The following ZFHX3 variants were observed in gnomAD, a reference collection of about 807,000 sequenced individuals.
ZFHX3 encodes the protein zinc finger homeobox protein 3.
A neutral mutation model predicts 279.1 loss-of-function variants in ZFHX3; 42 were observed. The ratio of observed to expected loss-of-function variants is 0.15; its 90% CI spans 0.12 to 0.19. ZFHX3 has a LOEUF of 0.19. Ranked by LOEUF, ZFHX3 falls within the 10% of genes least tolerant of loss-of-function variation. ZFHX3 has a pLI of 1.00. For synonymous variants in ZFHX3, 2,293 were observed against 1,957.8 expected, an observed-to-expected ratio of 1.17 and a Z score of -4.52; for missense variants, 4,981 against 4,754.0, an observed-to-expected ratio of 1.05 and a Z score of -1.40.
chr16:72,850,971 C>T (rs2037601224), intron 4 of ZFHX3, among the ~76,000 whole-genome samples: 1 of 152,058 alleles, frequency 6.6e-6, no homozygotes, highest in Admixed American at 6.6e-5. Flanking sequence ...CAAGTGGTGA[C>T]AGGGCCCAGG....
At chr16:73,331,468 A>G (rs1169934742) in intron 3 of ZFHX3, among the ~76,000 whole-genome samples, 1 of 152,222 alleles carries the variant, frequency 6.6e-6, no homozygotes, top group Admixed American at 6.5e-5. Flanking sequence ...GAGTTGAGAC[A>G]TCCCTGGTCT....
At chr16:73,677,006 C>G (rs957967905) in intron 2 of ZFHX3, among the ~76,000 whole-genome samples, 2 of 151,960 alleles carry the variant, frequency 1.3e-5, no homozygotes, top group African/African-American at 2.4e-5. Context: ...TCATAAAGGA[C>G]TTTAACATTC....
Position 73,375,385 on chromosome 16 carries a change from T to C in ZFHX3, c.-1290-57049A>G, listed in dbSNP as rs140847486. ...CCTTCCTGAGATTTGAAACTAGCCA[T>C]TTCTCCAAAAAGCCCTGGGTCCTTT... On this transcript the variant is annotated intron_variant, in intron 3 of 17. Coordinates refer to the ZFHX3 transcript ENST00000641206. Among the ~76,000 whole-genome samples the C allele has an allele frequency of 4.1e-3, 617 of 152,274 alleles. 19 individuals carry two copies. Among genetic ancestry groups the C allele is most frequent in the Admixed American group, 0.038 (583 of 15,284 alleles).
intron 1 of ZFHX3, among the ~76,000 whole-genome samples, chr16:73,877,201 T>TGGGG (rs112129642): frequency 3.8e-5 from 4 of 105,630 alleles, no homozygotes; most frequent in Non-Finnish European, 4.0e-5. Flanking sequence ...GGGGGTTAGG[T>TGGGG]CGGGGGGGGG....
chr16:73,577,386 G>T (rs542593935), intron 2 of ZFHX3, among the ~76,000 whole-genome samples: 1 of 152,096 alleles, frequency 6.6e-6, no homozygotes. Flanking sequence ...AAAATACACT[G>T]ACTAAAGAGT....
At chr16:73,168,696 G>C (rs1188316889) in intron 5 of ZFHX3, among the ~76,000 whole-genome samples, 1 of 152,140 alleles carries the variant, frequency 6.6e-6, no homozygotes, top group Non-Finnish European at 1.5e-5. Flanking sequence ...AATGTATTCA[G>C]CACTTGTTCC....
chr16:73,596,568 T>G (rs981496522), intron 2 of ZFHX3, among the ~76,000 whole-genome samples: 3 of 152,164 alleles, frequency 2.0e-5, no homozygotes, highest in African/African-American at 7.2e-5. Context: ...TCCAAACATG[T>G]TGCCCAGGGC....
intron 1 of ZFHX3, among the ~76,000 whole-genome samples, chr16:73,058,269 G>A (rs1290244790): frequency 6.9e-6 from 1 of 144,042 alleles, no homozygotes; most frequent in Non-Finnish European, 1.5e-5. Context: ...AGCGGCGGGA[G>A]GAGGAGGAAG....
At chr16:72,863,723 G>A (rs757707626) in intron 4 of ZFHX3, among the ~76,000 whole-genome samples, 1 of 152,090 alleles carries the variant, frequency 6.6e-6, no homozygotes, top group East Asian at 1.9e-4. Flanking sequence ...CTCTACTTGT[G>A]GATATGTTTG....
intron 1 of ZFHX3, among the ~76,000 whole-genome samples, chr16:73,742,571 G>C (rs901681542): frequency 1.3e-5 from 2 of 152,154 alleles, no homozygotes; most frequent in African/African-American, 4.8e-5. Context: ...AGACTTCTTG[G>C]AGGGGTGAGG....
intron 5 of ZFHX3, among the ~76,000 whole-genome samples, chr16:73,204,977 C>G (rs928345239): frequency 1.3e-5 from 2 of 152,152 alleles, no homozygotes; most frequent in African/African-American, 4.8e-5. Flanking sequence ...CCTAATCTTA[C>G]TACTACTAAA....
At chr16:73,181,263 G>A (rs1274220949) in intron 5 of ZFHX3, among the ~76,000 whole-genome samples, 2 of 152,086 alleles carry the variant, frequency 1.3e-5, no homozygotes, top group East Asian at 3.9e-4. Context: ...AGCATGCCCA[G>A]CTAATTTTTG....
At chr16:73,727,500 A>G (rs16972393) in intron 1 of ZFHX3, among the ~76,000 whole-genome samples, 1 of 152,222 alleles carries the variant, frequency 6.6e-6, no homozygotes, top group Non-Finnish European at 1.5e-5. Context: ...AGATGGAGTT[A>G]CCCAGAGATG....
At chr16:72,846,452 C>T (rs1369229333) in intron 4 of ZFHX3, among the ~76,000 whole-genome samples, 1 of 67,448 alleles carries the variant, frequency 1.5e-5, no homozygotes, top group Non-Finnish European at 2.8e-5. Flanking sequence ...ATCCTGTAGG[C>T]CTTGCTACCC....
At chr16:73,650,284 AG>A (rs1163175213) in intron 2 of ZFHX3, among the ~76,000 whole-genome samples, 2 of 152,062 alleles carry the variant, frequency 1.3e-5, no homozygotes, top group African/African-American at 4.8e-5. Flanking sequence ...AGAAAGCAGA[AG>A]AAGCCCAAAG....
rs144629994 is a variant in ZFHX3 at position 73,300,089 on chromosome 16, C to T, written c.-1194+18151G>A. On this transcript the variant is annotated intron_variant, in intron 4 of 17. Coordinates refer to the ZFHX3 transcript ENST00000641206. ...GTGCTCCAAGGGCTACTTGGCAAGACAAAGGACAAAAAGTAAACTAATCAG... is the reference window on the plus strand; with the variant it reads ...GTGCTCCAAGGGCTACTTGGCAAGATAAAGGACAAAAAGTAAACTAATCAG... 2.8e-3 allele frequency among the ~76,000 whole-genome samples: 424 copies of T among 152,018 alleles called. 1 individual carries two copies. Among genetic ancestry groups the T allele is most frequent in the Non-Finnish European group, 4.6e-3 (316 of 67,968 alleles).
chr16:73,784,814 T>TACAC (rs1201836033), intron 1 of ZFHX3, among the ~76,000 whole-genome samples: 11 of 108,406 alleles, frequency 1.0e-4, no homozygotes, highest in South Asian at 2.7e-4. Flanking sequence ...TATATATATA[T>TACAC]ATACACACAC....
intron 2 of ZFHX3, among the ~76,000 whole-genome samples, chr16:73,620,016 T>C (rs2052342747): frequency 6.6e-6 from 1 of 152,178 alleles, no homozygotes; most frequent in South Asian, 2.1e-4. Context: ...ACTCAACTCC[T>C]GGGCTCAAGG....
At chr16:73,677,691 A>G (rs1263605922) in intron 2 of ZFHX3, among the ~76,000 whole-genome samples, 2 of 152,040 alleles carry the variant, frequency 1.3e-5, no homozygotes, top group African/African-American at 4.8e-5. Context: ...GAAAATATAA[A>G]TCATCAAACT....
Sources: allele counts gnomAD v4.1 joint callset (sites outside exome capture counted in the v4.1 genomes callset), GRCh38; gene constraint gnomAD v4.1.1; transcripts MANE v1.5; gene names NCBI Gene and HGNC (gene_info 2026-07-23, HGNC 2026-07-21).